Variants in KIF26B observed in about 807,000 individuals in gnomAD.
KIF26B encodes kinesin-like protein KIF26B.
Under a neutral mutation model 151.2 loss-of-function variants are expected in KIF26B, and 63 were observed. The observed-to-expected ratio is 0.42, with a 90% CI of 0.34 to 0.51. KIF26B has a LOEUF of 0.51. Ranked by LOEUF, KIF26B falls within the 20% of genes least tolerant of loss-of-function variation. The pLI, the probability that KIF26B is intolerant of heterozygous loss-of-function variation, is 0.07. For synonymous variants in KIF26B, 1,357 were observed against 1,262.1 expected (o/e 1.08, Z -1.59); for missense variants, 2,813 against 2,913.6 (o/e 0.97, Z 0.79).
chr1:245,665,999 CT>C (rs33957488), intron 10 of KIF26B, among the ~76,000 whole-genome samples: 6,781 of 107,218 alleles, frequency 0.063, 108 homozygotes, highest in African/African-American at 0.11. Flanking sequence ...ACATTATGTC[CT>C]TTTTTTTTTT....
At chr1:245,226,902 C>G (rs1017077081) in intron 2 of KIF26B, among the ~76,000 whole-genome samples, 1 of 152,210 alleles carries the variant, frequency 6.6e-6, no homozygotes, top group Non-Finnish European at 1.5e-5. Flanking sequence ...TGGGCTTGCC[C>G]TTTGCCTAAG....
chr1:245,233,260 C>T (rs995772312), intron 2 of KIF26B, among the ~76,000 whole-genome samples: 5 of 152,192 alleles, frequency 3.3e-5, no homozygotes, highest in Non-Finnish European at 5.9e-5. Context: ...GAATGTGTTA[C>T]TCCTTAAGTT....
chr1:245,258,549 A>G (rs1158381279), intron 2 of KIF26B, among the ~76,000 whole-genome samples: 1 of 152,198 alleles, frequency 6.6e-6, no homozygotes, highest in Admixed American at 6.5e-5. Context: ...AATGGGATCC[A>G]TAAAATAGAG....
At chr1:245,276,004 G>A (rs1257056606) in intron 2 of KIF26B, among the ~76,000 whole-genome samples, 1 of 152,098 alleles carries the variant, frequency 6.6e-6, no homozygotes, top group African/African-American at 2.4e-5. Flanking sequence ...GCCTTTTAGG[G>A]GTTCTATTGT....
chr1:245,561,674 G>A (rs2042953118), intron 5 of KIF26B, among the ~76,000 whole-genome samples: 1 of 152,064 alleles, frequency 6.6e-6, no homozygotes, highest in African/African-American at 2.4e-5. Context: ...TAACTCATTT[G>A]CATATACCAA....
In KIF26B at chr1:245,703,148, G is replaced by A. The variant is rs887139076; in HGVS notation, c.*542G>A. ...ATGTATTCACAGCTCTTTTTCTCTT[G>A]GTGTTTTATCCTATTTCTGACTTGC... On this transcript the variant is annotated 3_prime_UTR_variant, in exon 15 of 15. Transcript: ENST00000407071. 2.6e-5 allele frequency: 4 copies of A among 152,788 alleles called. No individual in the cohort carries two copies. Among genetic ancestry groups the A allele is most frequent in the African/African-American group, 9.7e-5 (4 of 41,440 alleles). 9.5% of individuals were successfully genotyped at this position (152,788 alleles called of 1,614,324 possible).
At chr1:245,438,673 C>CA (rs112065896) in intron 4 of KIF26B, among the ~76,000 whole-genome samples, 3,519 of 151,834 alleles carry the variant, frequency 0.023, 119 homozygotes, top group African/African-American at 0.071. Flanking sequence ...AATGAATAGA[C>CA]AAAAAAAACA....
intron 9 of KIF26B, among the ~76,000 whole-genome samples, chr1:245,625,141 C>T (rs987813346): frequency 2.6e-5 from 4 of 152,142 alleles, no homozygotes; most frequent in Admixed American, 2.6e-4. Flanking sequence ...TACACCAATA[C>T]CACACTGTTT....
At position 245,243,443 on chromosome 1, in the gene KIF26B, T is replaced by TACACACAC. The variant is rs67823049; in HGVS notation, c.465+86761_465+86762insCACACACA. Reference sequence around the variant, plus strand: ...TTCTATATATATACATACATATATATATATACACACACACACACACACACA... The same window carrying TACACACAC: ...TTCTATATATATACATACATATATATACACACACATATACACACACACACACACACACA... On this transcript the variant is annotated intron_variant, in intron 2 of 14. Transcript: ENST00000407071. 2.5e-3 allele frequency among the ~76,000 whole-genome samples: 354 copies of TACACACAC among 143,516 alleles called. 1 individual carries two copies. The highest frequency in any genetic ancestry group is 7.0e-3 in the Middle Eastern group (2 of 286). The allele number at this position is 143,516 out of a possible 152,430, so 94.2% of individuals were successfully genotyped here. A position where few individuals can be genotyped will look rare whatever the true frequency, so the allele number is the denominator to read the frequency against.
chr1:245,651,974 G>A (rs532304997), intron 10 of KIF26B, among the ~76,000 whole-genome samples: 2 of 152,244 alleles, frequency 1.3e-5, no homozygotes, highest in South Asian at 4.2e-4. Flanking sequence ...CTCTTCCTCA[G>A]GACTTGGATG....
chr1:245,554,673 C>T (rs977742443), intron 5 of KIF26B, among the ~76,000 whole-genome samples: 2 of 152,120 alleles, frequency 1.3e-5, no homozygotes, highest in African/African-American at 4.8e-5. Flanking sequence ...AGCTTTCTCC[C>T]TCCTTCTTTT....
At chr1:245,346,195 G>A (rs527837106) in intron 2 of KIF26B, among the ~76,000 whole-genome samples, 1 of 151,820 alleles carries the variant, frequency 6.6e-6, no homozygotes, top group Admixed American at 6.6e-5. Flanking sequence ...CACCTGCCTC[G>A]GCCTCCCAAA....
intron 2 of KIF26B, among the ~76,000 whole-genome samples, chr1:245,253,155 G>A (rs1030598630): frequency 2.0e-5 from 3 of 151,332 alleles, no homozygotes; most frequent in South Asian, 2.1e-4. Context: ...GACTACAGGC[G>A]CCCACCACCA....
intron 2 of KIF26B, among the ~76,000 whole-genome samples, chr1:245,245,488 C>A (rs2103562136): frequency 6.6e-6 from 1 of 152,242 alleles, no homozygotes; most frequent in South Asian, 2.1e-4. Flanking sequence ...AGACTGCAGA[C>A]CTTTCAAAGG....
intron 2 of KIF26B, among the ~76,000 whole-genome samples, chr1:245,250,696 T>C (rs1282651110): frequency 6.6e-6 from 1 of 152,224 alleles, no homozygotes; most frequent in Non-Finnish European, 1.5e-5. Flanking sequence ...CTTTTCATAG[T>C]TTTATTGACC....
intron 4 of KIF26B, among the ~76,000 whole-genome samples, chr1:245,480,780 TAAA>T (rs57127912): frequency 0.42 from 59,766 of 143,358 alleles, 12,726 homozygotes; most frequent in East Asian, 0.51. Flanking sequence ...TTTAAAATGT[TAAA>T]AAAAAAAAAA....
Position 245,495,555 on chromosome 1 carries a change from C to A in KIF26B, c.1167-45212C>A, listed in dbSNP as rs1221740034. ...ACAATAAATCATCATTAACCATATT[C>A]ACCTGAGAGTGCTGCAGGATGCCAG... On this transcript the variant is annotated intron_variant, in intron 4 of 14. Transcript: ENST00000407071. The surrounding 1 kb of genome is among the most constrained non-coding windows in gnomAD (Gnocchi z 4.2). Among the ~76,000 whole-genome samples the A allele has an allele frequency of 6.6e-6, 1 of 152,154 alleles. No homozygotes were observed. The highest frequency in any genetic ancestry group is 2.4e-5 in the African/African-American group (1 of 41,436).
chr1:245,597,549 T>C lies in KIF26B; in HGVS notation c.1351-5028T>C, dbSNP rs1321090387. 1.3e-5 allele frequency among the ~76,000 whole-genome samples: 2 copies of C among 152,214 alleles called. No individual in the cohort carries two copies. Among genetic ancestry groups the C allele is most frequent in the African/African-American group, 4.8e-5 (2 of 41,452 alleles). On this transcript the variant is annotated intron_variant, in intron 5 of 14. Coordinates refer to ENST00000407071, the MANE Select transcript of KIF26B (RefSeq NM_018012.4). The surrounding 1 kb of genome is among the most constrained non-coding windows in gnomAD (Gnocchi z 4.6). Reference sequence around the variant, plus strand: ...TTGTGGGTAACCTGACCTTTCTCTCTAGTGCCCATAACATTTTTCCATCAT... The same window carrying C: ...TTGTGGGTAACCTGACCTTTCTCTCCAGTGCCCATAACATTTTTCCATCAT...
chr1:245,696,052 C>T (rs545046038), intron 12 of KIF26B, among the ~76,000 whole-genome samples: 168 of 152,390 alleles, frequency 1.1e-3, no homozygotes, highest in African/African-American at 3.8e-3. Flanking sequence ...ATATCCCATC[C>T]GCGGTAGCCA....
Sources: gnomAD v4.1 joint callset for allele counts (sites outside exome capture counted in the v4.1 genomes callset) on GRCh38, gnomAD v4.1.1 for gene constraint, Gnocchi (gnomAD v3.1) non-coding constraint, MANE v1.5 for transcripts, NCBI Gene and HGNC (gene_info 2026-07-23, HGNC 2026-07-21) for gene names.